Variants in PRKAR2B observed in about 807,000 individuals in gnomAD.
PRKAR2B encodes cAMP-dependent protein kinase type II-beta regulatory subunit.
In PRKAR2B, 14 loss-of-function variants were observed where a neutral mutation model predicts 49.9. That is an observed-to-expected ratio of 0.28 (90% CI 0.19 to 0.44). PRKAR2B has a LOEUF of 0.44. Ranked by LOEUF, PRKAR2B falls within the 20% of genes least tolerant of loss-of-function variation. PRKAR2B has a pLI of 1.00. For missense variants in PRKAR2B, 393 were observed against 537.9 expected (o/e 0.73, Z 2.67); for synonymous variants, 196 against 197.7 (o/e 0.99, Z 0.07).
chr7:107,090,410 G>A (rs1192553810), intron 2 of PRKAR2B, among the ~76,000 whole-genome samples: 1 of 152,188 alleles, frequency 6.6e-6, no homozygotes, highest in Admixed American at 6.5e-5. Flanking sequence ...AATTAGCCCA[G>A]CTATCCTGGA....
chr7:107,157,702 G>C (rs1270696993), intron 10 of PRKAR2B, among the ~76,000 whole-genome samples: 1 of 152,196 alleles, frequency 6.6e-6, no homozygotes, highest in South Asian at 2.1e-4. Context: ...GGAATGCTGA[G>C]ATGTTGTGAG....
chr7:107,067,341 T>C (rs997564319), intron 1 of PRKAR2B: 2 of 152,134 alleles, frequency 1.3e-5, no homozygotes, highest in African/African-American at 4.8e-5. Flanking sequence ...CAAGTGGAAA[T>C]GGAGGGATAT....
chr7:107,147,571 G>A (rs1477003980), intron 6 of PRKAR2B, among the ~76,000 whole-genome samples: 1 of 152,166 alleles, frequency 6.6e-6, no homozygotes, highest in Non-Finnish European at 1.5e-5. Flanking sequence ...AATCACCTGG[G>A]AATCCAGTTA....
chr7:107,118,922 TG>T (rs1474207809), intron 2 of PRKAR2B, among the ~76,000 whole-genome samples: 2 of 152,174 alleles, frequency 1.3e-5, no homozygotes, highest in African/African-American at 4.8e-5. Flanking sequence ...GTGAAACAAT[TG>T]CAACAGGAAT....
In PRKAR2B at chr7:107,127,702, G is replaced by A. The variant is rs201400153; in HGVS notation, c.397-510G>A. Among the ~76,000 whole-genome samples, 40 of 152,224 alleles carry A rather than the reference G, an allele frequency of 2.6e-4. No homozygotes were observed. In the East Asian group the frequency reaches 7.1e-3, roughly 27 times the overall value. ...ATACCACATGTGTAAAAATATATTC[G>A]GCATCTAATGCCATATACATTTAAA... On this transcript the variant is annotated intron_variant, in intron 3 of 10. Coordinates refer to ENST00000265717, the MANE Select transcript of PRKAR2B (RefSeq NM_002736.3).
intron 6 of PRKAR2B, among the ~76,000 whole-genome samples, chr7:107,147,685 T>C (rs898934958): frequency 4.6e-5 from 7 of 152,258 alleles, no homozygotes; most frequent in Non-Finnish European, 1.0e-4. Flanking sequence ...AGGCCAAACC[T>C]TAAACAGCAT....
rs140312057 is a variant in PRKAR2B at position 107,093,202 on chromosome 7, G to C, written c.343+22886G>C. The stretch of plus-strand genomic sequence containing the variant: ...AATATGGACGTACAGATATCTGTTT[G>C]TGTCTCTGCTTTCAGTTCTTTTAGG... On this transcript the variant is annotated intron_variant, in intron 2 of 10. Coordinates refer to ENST00000265717, the MANE Select transcript of PRKAR2B (RefSeq NM_002736.3). Among the ~76,000 whole-genome samples, 16 of 152,290 alleles carry C rather than the reference G, an allele frequency of 1.1e-4. No individual in the cohort carries two copies. The East Asian group carries it at 2.9e-3, about 28-fold the overall frequency.
At chr7:107,139,594 G>C (rs1795756257) in intron 4 of PRKAR2B, among the ~76,000 whole-genome samples, 1 of 152,180 alleles carries the variant, frequency 6.6e-6, no homozygotes, top group Admixed American at 6.5e-5. Flanking sequence ...TGCTCTGCAA[G>C]GCATGTTGGC....
intron 2 of PRKAR2B, among the ~76,000 whole-genome samples, chr7:107,088,511 C>A (rs555144948): frequency 2.6e-5 from 4 of 152,218 alleles, no homozygotes; most frequent in South Asian, 2.1e-4. Flanking sequence ...ATCATTCTTA[C>A]GTCTTTTGGC....
intron 2 of PRKAR2B, among the ~76,000 whole-genome samples, chr7:107,115,239 G>A (rs969284201): frequency 1.3e-5 from 2 of 152,066 alleles, no homozygotes; most frequent in Admixed American, 6.6e-5. Context: ...AATAGAAATT[G>A]TGTTTCTGTT....
intron 4 of PRKAR2B, among the ~76,000 whole-genome samples, chr7:107,139,722 T>C (rs754034429): frequency 1.3e-5 from 2 of 152,216 alleles, no homozygotes; most frequent in Non-Finnish European, 2.9e-5. Context: ...CTCTATACTA[T>C]TGTAGATTCA....
chr7:107,077,902 T>C (rs10235601), intron 2 of PRKAR2B: 4,995 of 152,298 alleles, frequency 0.033, 206 homozygotes, highest in East Asian at 0.096. Flanking sequence ...AGATAACCCA[T>C]GAAGAACAGA....
At chr7:107,114,448 G>A (rs941780070) in intron 2 of PRKAR2B, among the ~76,000 whole-genome samples, 1 of 150,628 alleles carries the variant, frequency 6.6e-6, no homozygotes, top group African/African-American at 2.4e-5. Context: ...TGCAACCTCC[G>A]CTTCCTGGGT....
intron 1 of PRKAR2B, among the ~76,000 whole-genome samples, chr7:107,056,739 A>T (rs1248820620): frequency 6.6e-6 from 1 of 152,134 alleles, no homozygotes; most frequent in Non-Finnish European, 1.5e-5. Flanking sequence ...ATAGACTTTT[A>T]ATAATAGTCT....
intron 7 of PRKAR2B, among the ~76,000 whole-genome samples, chr7:107,151,947 T>A (rs1214396438): frequency 6.6e-6 from 1 of 152,248 alleles, no homozygotes; most frequent in African/African-American, 2.4e-5. Context: ...TTGATATCAC[T>A]GGGCAAGGCC....
chr7:107,116,991 T>C (rs1215244867), intron 2 of PRKAR2B, among the ~76,000 whole-genome samples: 1 of 150,992 alleles, frequency 6.6e-6, no homozygotes, highest in Non-Finnish European at 1.5e-5. Flanking sequence ...ATAATTGTTA[T>C]ACCCTTTTAC....
intron 1 of PRKAR2B, among the ~76,000 whole-genome samples, chr7:107,056,410 A>G (rs1464385215): frequency 6.6e-6 from 1 of 152,162 alleles, no homozygotes; most frequent in African/African-American, 2.4e-5. Context: ...CTTGGGCAGT[A>G]TGGCCATTTT....
intron 2 of PRKAR2B, among the ~76,000 whole-genome samples, chr7:107,098,149 A>G (rs566314430): frequency 2.0e-5 from 3 of 152,328 alleles, no homozygotes; most frequent in Admixed American, 2.0e-4. Context: ...AGGTACAACA[A>G]TCAGACGCAG....
chr7:107,086,335 C>G (rs943576723), intron 2 of PRKAR2B, among the ~76,000 whole-genome samples: 2 of 152,000 alleles, frequency 1.3e-5, no homozygotes, highest in African/African-American at 4.8e-5. Context: ...TAAGACTGCC[C>G]AGCTCATAAG....
Sources: gnomAD v4.1 joint callset for allele counts (sites outside exome capture counted in the v4.1 genomes callset) on GRCh38, gnomAD v4.1.1 for gene constraint, MANE v1.5 for transcripts, NCBI Gene and HGNC (gene_info 2026-07-23, HGNC 2026-07-21) for gene names.